DNAH11: variants seen among roughly 807,000 people sequenced by gnomAD.
The protein encoded by DNAH11 is axonemal beta dynein heavy chain 11.
Under a neutral mutation model 526.0 loss-of-function variants are expected in DNAH11, and 442 were observed. The ratio of observed to expected loss-of-function variants is 0.84; its 90% confidence interval spans 0.78 to 0.91. DNAH11 has a LOEUF of 0.91. Ranked by LOEUF, DNAH11 falls within the 40% of genes least tolerant of loss-of-function variation. The pLI, the probability that DNAH11 is intolerant of heterozygous loss-of-function variation, is 0.00. For synonymous variants in DNAH11, 2,461 were observed against 1,935.9 expected (o/e 1.27, Z -7.12); for missense variants, 6,989 against 5,448.7 (o/e 1.28, Z -8.90).
chr7:21,724,952 G>T (rs1785037828), intron 44 of DNAH11, among the ~76,000 whole-genome samples: 2 of 152,064 alleles, frequency 1.3e-5, no homozygotes, highest in African/African-American at 2.4e-5. Context: ...GGCATCACTG[G>T]GACAGGTCAT....
chr7:21,593,753 T>C (rs1784772175), intron 14 of DNAH11, among the ~76,000 whole-genome samples: 1 of 151,934 alleles, frequency 6.6e-6, no homozygotes, highest in African/African-American at 2.4e-5. Flanking sequence ...AAAAAAGGGA[T>C]AGGAATGAAA....
At position 21,543,440 on chromosome 7, in the gene DNAH11, C is replaced by G. The variant is rs369285943; in HGVS notation, c.195C>G (p.Arg65=). The G allele has an allele frequency of 6.4e-7, 1 of 1,561,876 alleles. No homozygotes were observed. The highest frequency in any genetic ancestry group is 8.7e-7 in the Non-Finnish European group (1 of 1,152,418). ...CGCGGGTGCGCTTCCTCGGCGGCCG[C>G]CTGGCGATGATGCTGGGGTTCACGG... ...QDARVRFLGG[R]LAMMLGFTEE... Residue 65 remains arginine (R), a synonymous_variant, in exon 1 of 82, where the codon CGC becomes CGG. Coordinates refer to ENST00000409508, the MANE Select transcript of DNAH11 (RefSeq NM_001277115.2).
intron 22 of DNAH11, among the ~76,000 whole-genome samples, chr7:21,617,030 G>C (rs760111660): frequency 1.3e-5 from 2 of 152,078 alleles, no homozygotes; most frequent in Non-Finnish European, 1.5e-5. Flanking sequence ...TCATTCTTTC[G>C]GATGTCATGG....
intron 34 of DNAH11, 93 bp downstream of exon 34, chr7:21,687,620 T>C: frequency 7.1e-7 from 1 of 1,404,576 alleles, no homozygotes; most frequent in Non-Finnish European, 9.6e-7. Flanking sequence ...TACCTCTCCC[T>C]GTCTCATGAA....
chr7:21,743,194 T>C (rs1461428528), intron 49 of DNAH11, among the ~76,000 whole-genome samples: 4 of 152,258 alleles, frequency 2.6e-5, no homozygotes, highest in Non-Finnish European at 5.9e-5. Context: ...GTCTGGGCTC[T>C]TTAGATTGAG....
chr7:21,635,142 G>GTTTC (rs1786797283), intron 25 of DNAH11, among the ~76,000 whole-genome samples: 3 of 89,160 alleles, frequency 3.4e-5, no homozygotes, highest in African/African-American at 2.4e-4. Flanking sequence ...GTGGGGGGCA[G>GTTTC]TTTGTTTGTT....
chr7:21,769,803 A>G (rs1787345210), intron 55 of DNAH11, among the ~76,000 whole-genome samples: 1 of 149,508 alleles, frequency 6.7e-6, no homozygotes, highest in South Asian at 2.1e-4. Context: ...TTTTTCCTCC[A>G]CTCCTCCTGA....
intron 3 of DNAH11, 82 bp from the exon 4 acceptor site, chr7:21,559,521 A>C (rs1204019472): frequency 9.0e-7 from 1 of 1,116,122 alleles, no homozygotes; most frequent in Non-Finnish European, 1.3e-6. Context: ...TAGTTTATGG[A>C]TGCCTAAAAT....
chr7:21,878,844 T>C (rs540447899), intron 74 of DNAH11, among the ~76,000 whole-genome samples: 48 of 152,320 alleles, frequency 3.2e-4, no homozygotes, highest in African/African-American at 1.1e-3. Flanking sequence ...GTTCTACATA[T>C]ACTTCATATA....
At chr7:21,720,975 C>T (rs551032590) in intron 44 of DNAH11, 119 bp downstream of exon 44, 2 of 1,267,894 alleles carry the variant, frequency 1.6e-6, no homozygotes, top group African/African-American at 1.5e-5. Flanking sequence ...ACTGCTTGCC[C>T]TGTTCTCTCC....
chr7:21,575,748 T>G (rs769120404), intron 8 of DNAH11, among the ~76,000 whole-genome samples: 4 of 152,188 alleles, frequency 2.6e-5, no homozygotes, highest in Non-Finnish European at 5.9e-5. Flanking sequence ...GTTCCAGAGA[T>G]ATTTGGTGCA....
intron 59 of DNAH11, 69 bp downstream of exon 59, chr7:21,786,836 C>T (rs1302390319): frequency 1.1e-5 from 17 of 1,565,390 alleles, no homozygotes; most frequent in Non-Finnish European, 1.4e-5. Context: ...TGTGGTTATG[C>T]TTAATAGCAA....
At chr7:21,888,061 T>C (rs553450672) in intron 76 of DNAH11, among the ~76,000 whole-genome samples, 6 of 152,286 alleles carry the variant, frequency 3.9e-5, no homozygotes, top group African/African-American at 1.2e-4. Context: ...AGACCAGAGT[T>C]CTGGTTCTGC....
intron 74 of DNAH11, among the ~76,000 whole-genome samples, chr7:21,879,174 C>T (rs1053740496): frequency 5.9e-5 from 9 of 152,146 alleles, no homozygotes; most frequent in African/African-American, 2.2e-4. Flanking sequence ...CAGGTCTAGG[C>T]TGGGCACAGT....
At chr7:21,724,509 GCAGTAGACACACA>G in intron 44 of DNAH11, among the ~76,000 whole-genome samples, 1 of 152,354 alleles carries the variant, frequency 6.6e-6, no homozygotes, top group Middle Eastern at 3.4e-3. Context: ...ATTGCTGAAA[GCAGTAGACACACA>G]CAGTATTTTT....
At chr7:21,564,424 A>G in intron 6 of DNAH11, 27 bp downstream of exon 6, 2 of 1,565,488 alleles carry the variant, frequency 1.3e-6, no homozygotes, top group Non-Finnish European at 1.8e-6. Context: ...AACAGGAACA[A>G]TAAGAATTGT....
intron 56 of DNAH11, among the ~76,000 whole-genome samples, chr7:21,777,130 A>G (rs1276522310): frequency 6.6e-6 from 1 of 152,000 alleles, no homozygotes; most frequent in Non-Finnish European, 1.5e-5. Context: ...GGCCATCACT[A>G]ATCTATTCTC....
chr7:21,821,676 C>G (rs1583736227), intron 65 of DNAH11, among the ~76,000 whole-genome samples: 3 of 152,200 alleles, frequency 2.0e-5, no homozygotes, highest in African/African-American at 7.2e-5. Context: ...ACTGGGATAT[C>G]TACCACGTCA....
intron 77 of DNAH11, among the ~76,000 whole-genome samples, chr7:21,893,811 G>T (rs1213369755): frequency 6.6e-6 from 1 of 152,180 alleles, no homozygotes; most frequent in Non-Finnish European, 1.5e-5. Flanking sequence ...AGGATGCCGT[G>T]GTTGGGAGGG....
Sources: gnomAD v4.1 joint callset for allele counts (sites outside exome capture counted in the v4.1 genomes callset) on GRCh38, gnomAD v4.1.1 for gene constraint, MANE v1.5 for transcripts, NCBI Gene and HGNC (gene_info 2026-07-23, HGNC 2026-07-21) for gene names.